FAHD2A: variants seen among roughly 807,000 people sequenced by gnomAD.
FAHD2A encodes the protein fumarylacetoacetate hydrolase domain containing 2A.
A neutral mutation model predicts 33.4 loss-of-function variants in FAHD2A; 27 were observed. That is an observed-to-expected ratio of 0.81 (90% CI 0.60 to 1.11). FAHD2A has a LOEUF of 1.11. Among genes scored for constraint, FAHD2A ranks in the 50% most tolerant of loss-of-function variants. The pLI is 0.00. For missense variants in FAHD2A, 296 were observed against 395.0 expected, an observed-to-expected ratio of 0.75 and a Z score of 2.12; for synonymous variants, 130 against 153.3, an observed-to-expected ratio of 0.85 and a Z score of 1.12.
chr2:95,403,670 T>G (rs1319899401), intron 1 of FAHD2A, among the ~76,000 whole-genome samples: 7 of 152,218 alleles, frequency 4.6e-5, no homozygotes, highest in Non-Finnish European at 8.8e-5. Flanking sequence ...ACCAAGGACT[T>G]CATGTCACCT....
chr2:95,413,953 C>T lies in FAHD2A; in HGVS notation c.*996C>T, dbSNP rs566223588. The stretch of plus-strand genomic sequence containing the variant: ...GGACAGAAGATGGTGACACTGGCTC[C>T]TCTCACCCCTAGGTCTCTGAAGGTC... On this transcript the variant is annotated 3_prime_UTR_variant, in exon 8 of 8. Transcript: ENST00000233379. 7 of 1,318,516 alleles carry T rather than the reference C, an allele frequency of 5.3e-6. No homozygotes were observed. Among genetic ancestry groups the T allele is most frequent in the Admixed American group, 1.7e-5 (1 of 59,380 alleles). 81.7% of individuals were successfully genotyped at this position (1,318,516 alleles called of 1,614,324 possible). A position where few individuals can be genotyped will look rare whatever the true frequency, so the allele number is the denominator to read the frequency against.
At chr2:95,407,599 C>T (rs537254343) in intron 3 of FAHD2A, 35 of 168,894 alleles carry the variant, frequency 2.1e-4, no homozygotes, top group African/African-American at 7.9e-4. Context: ...TTAGTTTATT[C>T]CTGAGTACCT....
chr2:95,411,348 A>C (rs1165328044), intron 5 of FAHD2A, among the ~76,000 whole-genome samples: 5 of 152,266 alleles, frequency 3.3e-5, no homozygotes, highest in Non-Finnish European at 5.9e-5. Context: ...ATCATGGAGC[A>C]TAGTTATCCC....
chr2:95,417,575 T>G (rs1336519414), downstream of FAHD2A, among the ~76,000 whole-genome samples: 4 of 152,328 alleles, frequency 2.6e-5, no homozygotes, highest in Admixed American at 2.6e-4. Flanking sequence ...TGGAGCTACC[T>G]AATTGTCAAG....
chr2:95,416,941 C>G (rs1014470142), downstream of FAHD2A, among the ~76,000 whole-genome samples: 3 of 152,196 alleles, frequency 2.0e-5, no homozygotes, highest in African/African-American at 7.2e-5. Context: ...CCCTGATATG[C>G]TTTTCTTCCA....
In FAHD2A at chr2:95,413,839, T is replaced by A; in HGVS notation, c.*882T>A. 1 of 752,462 alleles carries A rather than the reference T, an allele frequency of 1.3e-6. No individual in the cohort carries two copies. Among genetic ancestry groups the A allele is most frequent in the South Asian group, 1.7e-5 (1 of 60,376 alleles). The allele number at this position is 752,462 out of a possible 1,614,324, so 46.6% of individuals were successfully genotyped here. On this transcript the variant is annotated 3_prime_UTR_variant, in exon 8 of 8. Transcript: ENST00000233379. ...GGAAGACACCAAGTAAATCCCAGGG[T>A]CTTAATGAGGCACCATCAGGCCAGC...
At position 95,415,760 on chromosome 2, in the gene FAHD2A, G is replaced by C. The variant is rs1031814511; in HGVS notation, c.*2803G>C. The C allele has an allele frequency of 6.6e-6, 1 of 152,606 alleles. No individual in the cohort carries two copies. The highest frequency in any genetic ancestry group is 2.4e-5 in the African/African-American group (1 of 41,420). 9.5% of individuals were successfully genotyped at this position (152,606 alleles called of 1,614,324 possible). On this transcript the variant is annotated 3_prime_UTR_variant, in exon 8 of 8. Transcript: ENST00000233379. Reference sequence around the variant, plus strand: ...CATCTCACCTCACCATGCCGGCTGCGAGGCGGCCCGTGCAGTCCGTGCGCA... The same window carrying C: ...CATCTCACCTCACCATGCCGGCTGCCAGGCGGCCCGTGCAGTCCGTGCGCA...
chr2:95,412,597 G>A, intron 6 of FAHD2A, 55 bp downstream of exon 6: 2 of 1,613,604 alleles, frequency 1.2e-6, no homozygotes, highest in Non-Finnish European at 1.7e-6. Flanking sequence ...ACATGTGGAG[G>A]CTGACCTGAG....
downstream of FAHD2A, among the ~76,000 whole-genome samples, chr2:95,417,671 A>G (rs1377609689): frequency 6.6e-6 from 1 of 152,102 alleles, no homozygotes; most frequent in Non-Finnish European, 1.5e-5. Context: ...GAAGGGAACA[A>G]CCATGGTCAG....
chr2:95,418,264 G>A (rs1459064119), downstream of FAHD2A, among the ~76,000 whole-genome samples: 2 of 151,982 alleles, frequency 1.3e-5, no homozygotes, highest in Non-Finnish European at 2.9e-5. Flanking sequence ...GTGTGTGTGT[G>A]TGTGTGTAAG....
At chr2:95,412,377 A>AT in intron 5 of FAHD2A, 57 bp from the exon 6 acceptor site, 1 of 1,605,824 alleles carries the variant, frequency 6.2e-7, no homozygotes, top group South Asian at 1.1e-5. Flanking sequence ...TTTGTAAAAT[A>AT]TTGGGGGGTT....
Position 95,413,931 on chromosome 2 carries a change from CAG to C in FAHD2A, c.*976_*977del. 1.7e-6 allele frequency: 2 copies of C among 1,193,184 alleles called. No individual in the cohort carries two copies. Among genetic ancestry groups the C allele is most frequent in the Non-Finnish European group, 2.5e-6 (2 of 797,750 alleles). 73.9% of individuals were successfully genotyped at this position (1,193,184 alleles called of 1,614,324 possible). ...CTCTATTGGGGTGGGAGCAGGGGGA[CAG>C]AAGATGGTGACACTGGCTCCTCTCA... On this transcript the variant is annotated 3_prime_UTR_variant, in exon 8 of 8. Coordinates refer to ENST00000233379, the MANE Select transcript of FAHD2A (RefSeq NM_016044.3).
chr2:95,418,058 A>G (rs1174229833), downstream of FAHD2A, among the ~76,000 whole-genome samples: 1 of 152,062 alleles, frequency 6.6e-6, no homozygotes, highest in African/African-American at 2.4e-5. Context: ...AATAGGGTGA[A>G]TCTAAAGATT....
At chr2:95,411,771 G>A (rs115616831) in intron 5 of FAHD2A, among the ~76,000 whole-genome samples, 1,581 of 152,282 alleles carry the variant, frequency 0.01, 13 homozygotes, top group Middle Eastern at 0.02. Context: ...TAGAACCATT[G>A]CCTCACTGCT....
At position 95,413,900 on chromosome 2, in the gene FAHD2A, G is replaced by T; in HGVS notation, c.*943G>T. On this transcript the variant is annotated 3_prime_UTR_variant, in exon 8 of 8. Transcript: ENST00000233379. ...GATGGGAACATAGCTGGGTTTCCCT[G>T]AGCCACTCTATTGGGGTGGGAGCAG... The T allele has an allele frequency of 2.0e-6, 2 of 1,004,080 alleles. No individual in the cohort carries two copies. Among genetic ancestry groups the T allele is most frequent in the Admixed American group, 3.4e-5 (2 of 58,294 alleles). 62.2% of individuals were successfully genotyped at this position (1,004,080 alleles called of 1,614,324 possible). A position where few individuals can be genotyped will look rare whatever the true frequency, so the allele number is the denominator to read the frequency against.
downstream of FAHD2A, among the ~76,000 whole-genome samples, chr2:95,420,181 T>G (rs1683295065): frequency 6.6e-6 from 1 of 152,018 alleles, no homozygotes; most frequent in Non-Finnish European, 1.5e-5. Flanking sequence ...AATGCATATC[T>G]CATCCAGAAA....
At chr2:95,409,359 A>G (rs1263545640) in intron 3 of FAHD2A, among the ~76,000 whole-genome samples, 2 of 152,108 alleles carry the variant, frequency 1.3e-5, no homozygotes, top group East Asian at 3.9e-4. Flanking sequence ...TCTATTGTGC[A>G]GATGGAGTGC....
chr2:95,418,250 T>TTGTGTG (rs143871334), downstream of FAHD2A, among the ~76,000 whole-genome samples: 1 of 148,202 alleles, frequency 6.7e-6, no homozygotes, highest in Non-Finnish European at 1.5e-5. Context: ...TTGGGGGTGG[T>TTGTGTG]TGTGTGTGTG....
At position 95,413,018 on chromosome 2, in the gene FAHD2A, A is replaced by G; in HGVS notation, c.*61A>G. On this transcript the variant is annotated 3_prime_UTR_variant, in exon 8 of 8. Transcript: ENST00000233379. ...CATCTGCTCCCACTCAGCCTAGCCC[A>G]GGGAAAGGCCCAGTGACAGGTGTGG... 2 of 1,594,216 alleles carry G rather than the reference A, an allele frequency of 1.3e-6. No individual in the cohort carries two copies. Among genetic ancestry groups the G allele is most frequent in the East Asian group, 2.2e-5 (1 of 44,558 alleles).
Sources: allele counts gnomAD v4.1 joint callset (sites outside exome capture counted in the v4.1 genomes callset), GRCh38; gene constraint gnomAD v4.1.1; transcripts MANE v1.5; gene names NCBI Gene and HGNC (gene_info 2026-07-23, HGNC 2026-07-21).